The following CNTN5 variants were observed in gnomAD, a reference collection of about 807,000 sequenced individuals.
The protein encoded by CNTN5 is contactin-5.
In CNTN5, 77 loss-of-function variants were observed where a neutral mutation model predicts 129.1. The ratio of observed to expected loss-of-function variants is 0.60; its 90% CI spans 0.50 to 0.72. CNTN5 has a LOEUF of 0.72. Among genes scored for constraint, CNTN5 ranks in the 30% least tolerant of loss-of-function variants. CNTN5 has a pLI of 0.00. For synonymous variants in CNTN5, 509 were observed against 465.6 expected (o/e 1.09, Z -1.20); for missense variants, 1,478 against 1,328.8 (o/e 1.11, Z -1.75).
At chr11:99,789,810 G>C (rs1015662706) in intron 3 of CNTN5, among the ~76,000 whole-genome samples, 2 of 151,820 alleles carry the variant, frequency 1.3e-5, no homozygotes, top group African/African-American at 4.8e-5. Context: ...GGATATATGC[G>C]CAGGTTTGTT....
intron 18 of CNTN5, among the ~76,000 whole-genome samples, chr11:100,271,537 A>G: frequency 6.6e-6 from 1 of 152,344 alleles, no homozygotes; most frequent in East Asian, 1.9e-4. Flanking sequence ...TTCTAATAAT[A>G]TACTCATTCA....
chr11:99,936,497 C>CT (rs34992102), intron 7 of CNTN5, among the ~76,000 whole-genome samples: 90,588 of 151,886 alleles, frequency 0.6, 27,312 homozygotes, highest in African/African-American at 0.68. Context: ...AACAAGTAGT[C>CT]TTTTTTTTGA....
chr11:99,294,889 T>G (rs1864316263), intron 1 of CNTN5, among the ~76,000 whole-genome samples: 1 of 152,190 alleles, frequency 6.6e-6, no homozygotes, highest in Admixed American at 6.5e-5. Flanking sequence ...ATGGAAATAA[T>G]AAATACACTG....
intron 2 of CNTN5, among the ~76,000 whole-genome samples, chr11:99,471,030 CT>C (rs1018961824): frequency 6.6e-5 from 10 of 151,980 alleles, no homozygotes; most frequent in African/African-American, 2.4e-4. Flanking sequence ...AATATCTGAA[CT>C]GATTCTGAAC....
At chr11:99,401,171 G>A (rs1336015548) in intron 2 of CNTN5, among the ~76,000 whole-genome samples, 6 of 152,116 alleles carry the variant, frequency 3.9e-5, no homozygotes, top group Non-Finnish European at 8.8e-5. Context: ...TTGACCTAGA[G>A]AGCTTCCCTA....
intron 7 of CNTN5, among the ~76,000 whole-genome samples, chr11:99,919,978 A>G (rs1253724859): frequency 2.0e-5 from 3 of 152,186 alleles, no homozygotes; most frequent in African/African-American, 7.2e-5. Context: ...TAATGCAATC[A>G]TACAATCTGC....
intron 17 of CNTN5, among the ~76,000 whole-genome samples, chr11:100,267,201 G>A (rs1950320908): frequency 6.6e-6 from 1 of 151,286 alleles, no homozygotes; most frequent in Non-Finnish European, 1.5e-5. Context: ...TACAGTTCTA[G>A]AGGTTGGGAG....
At chr11:99,755,520 CT>C (rs1359126575) in intron 3 of CNTN5, among the ~76,000 whole-genome samples, 1 of 151,822 alleles carries the variant, frequency 6.6e-6, no homozygotes, top group Non-Finnish European at 1.5e-5. Flanking sequence ...ATCTGTATAT[CT>C]TTTTTAGTGA....
chr11:100,228,072 A>G (rs1381358228), intron 16 of CNTN5, among the ~76,000 whole-genome samples: 1 of 152,246 alleles, frequency 6.6e-6, no homozygotes, highest in Non-Finnish European at 1.5e-5. Flanking sequence ...GTGCTTAGCT[A>G]AACTAGGGTA....
intron 2 of CNTN5, among the ~76,000 whole-genome samples, chr11:99,410,632 T>A (rs560800546): frequency 6.6e-6 from 1 of 152,216 alleles, no homozygotes; most frequent in Non-Finnish European, 1.5e-5. Context: ...ACTACTCAAA[T>A]TCTCCTTGAT....
intron 13 of CNTN5, among the ~76,000 whole-genome samples, chr11:100,114,585 T>A (rs746513525): frequency 6.6e-6 from 1 of 152,142 alleles, no homozygotes; most frequent in Non-Finnish European, 1.5e-5. Flanking sequence ...CTTAGTGTAG[T>A]GTGTTAAAAG....
intron 2 of CNTN5, among the ~76,000 whole-genome samples, chr11:99,508,326 G>A (rs1019563584): frequency 6.6e-6 from 1 of 152,088 alleles, no homozygotes; most frequent in Non-Finnish European, 1.5e-5. Flanking sequence ...CAGCTACTGG[G>A]TAATATTTTA....
chr11:99,893,404 C>T (rs1435246657), intron 6 of CNTN5, among the ~76,000 whole-genome samples: 1 of 152,110 alleles, frequency 6.6e-6, no homozygotes, highest in Non-Finnish European at 1.5e-5. Flanking sequence ...TTGTTATCTG[C>T]TCTCTTGCTA....
intron 1 of CNTN5, among the ~76,000 whole-genome samples, chr11:99,257,031 T>C (rs1862405612): frequency 6.6e-6 from 1 of 152,144 alleles, no homozygotes; most frequent in Non-Finnish European, 1.5e-5. Context: ...ATCATTCAGA[T>C]GCCAAATGAC....
chr11:100,291,608 T>G lies in CNTN5; in HGVS notation c.2315-6017T>G, dbSNP rs1320701121. On this transcript the variant is annotated intron_variant, in intron 18 of 24. Transcript: ENST00000524871. ...GAATATCACACTCTGGGGACTGTGG[T>G]GGGGAAGGGGGAGGGATAGCATTGG... Among the ~76,000 whole-genome samples, 42 of 151,006 alleles carry G rather than the reference T, an allele frequency of 2.8e-4. 1 individual carries two copies. The highest frequency in any genetic ancestry group is 2.8e-3 in the Admixed American group (42 of 15,140).
At chr11:99,792,928 A>C (rs1250177319) in intron 3 of CNTN5, among the ~76,000 whole-genome samples, 1 of 152,076 alleles carries the variant, frequency 6.6e-6, no homozygotes, top group Non-Finnish European at 1.5e-5. Flanking sequence ...TGTTCATAGT[A>C]GTCTCTGAGA....
intron 2 of CNTN5, among the ~76,000 whole-genome samples, chr11:99,325,981 C>T (rs1013890033): frequency 6.6e-6 from 1 of 152,108 alleles, no homozygotes. Flanking sequence ...CACCAGGGAA[C>T]GGGGATCTTC....
At chr11:99,587,396 A>T (rs1423491160) in intron 3 of CNTN5, among the ~76,000 whole-genome samples, 1 of 152,228 alleles carries the variant, frequency 6.6e-6, no homozygotes, top group African/African-American at 2.4e-5. Context: ...AGTGTCTCCC[A>T]TAAAGGAGCG....
intron 6 of CNTN5, among the ~76,000 whole-genome samples, chr11:99,881,888 C>T (rs1487149480): frequency 6.6e-6 from 1 of 152,220 alleles, no homozygotes; most frequent in East Asian, 1.9e-4. Flanking sequence ...AAGTAAGTTA[C>T]TCCTATCTCA....
Sources: allele counts gnomAD v4.1 joint callset (sites outside exome capture counted in the v4.1 genomes callset), GRCh38; gene constraint gnomAD v4.1.1; transcripts MANE v1.5; gene names NCBI Gene and HGNC (gene_info 2026-07-23, HGNC 2026-07-21).